The following ZNF609 variants were observed in gnomAD, a reference collection of about 807,000 sequenced individuals.
The protein encoded by ZNF609 is zinc finger protein 609.
ZNF609 carries 11 observed loss-of-function variants against 109.5 expected under a neutral mutation model. That is an observed-to-expected ratio of 0.10 (90% confidence interval 0.06 to 0.17). ZNF609 has a LOEUF of 0.17. Among genes scored for constraint, ZNF609 ranks in the 10% least tolerant of loss-of-function variants. ZNF609 has a pLI of 1.00. For missense variants in ZNF609, 1,559 were observed against 1,772.4 expected, an observed-to-expected ratio of 0.88 and a Z score of 2.16; for synonymous variants, 646 against 662.0, an observed-to-expected ratio of 0.98 and a Z score of 0.37.
chr15:64,573,260 C>G (rs555581245), intron 2 of ZNF609, among the ~76,000 whole-genome samples: 1 of 150,050 alleles, frequency 6.7e-6, no homozygotes, highest in African/African-American at 2.4e-5. Context: ...CTGACAAGTC[C>G]CATGGAATAC....
chr15:64,664,177 G>A (rs530546776), intron 3 of ZNF609, among the ~76,000 whole-genome samples: 3 of 152,152 alleles, frequency 2.0e-5, no homozygotes, highest in Admixed American at 1.3e-4. Context: ...GGAGTGAGCC[G>A]AGATTGCACC....
At chr15:64,641,152 G>A (rs1896247265) in intron 3 of ZNF609, among the ~76,000 whole-genome samples, 1 of 150,858 alleles carries the variant, frequency 6.6e-6, no homozygotes, top group African/African-American at 2.4e-5. Context: ...AAATTCTGTT[G>A]AGAGAAAATA....
At chr15:64,678,000 C>T in intron 5 of ZNF609, 116 bp from the exon 6 acceptor site, 1 of 1,387,286 alleles carries the variant, frequency 7.2e-7, no homozygotes, top group East Asian at 2.3e-5. Flanking sequence ...AAATCCTACT[C>T]TGCCCCAGGT....
intron 2 of ZNF609, among the ~76,000 whole-genome samples, chr15:64,524,359 T>G (rs1473736625): frequency 2.6e-5 from 4 of 152,044 alleles, no homozygotes; most frequent in African/African-American, 9.7e-5. Flanking sequence ...AGGTCAGGAG[T>G]TCGATACCAG....
At chr15:64,466,101 A>C (rs1486880294) in intron 1 of ZNF609, among the ~76,000 whole-genome samples, 2 of 128,970 alleles carry the variant, frequency 1.6e-5, no homozygotes, top group Admixed American at 9.8e-5. Flanking sequence ...GGTCAACAAG[A>C]ATGAAACCCT....
chr15:64,662,997 G>C (rs1896601380), intron 3 of ZNF609, among the ~76,000 whole-genome samples: 1 of 151,846 alleles, frequency 6.6e-6, no homozygotes, highest in South Asian at 2.1e-4. Flanking sequence ...TGTTTTTTTG[G>C]GAATAGGTGA....
intron 3 of ZNF609, chr15:64,631,093 A>G: frequency 2.2e-6 from 1 of 461,398 alleles, no homozygotes. Context: ...GAGGTCTTTT[A>G]TTTTTTTAAC....
At chr15:64,516,151 T>C (rs955866635) in intron 2 of ZNF609, among the ~76,000 whole-genome samples, 1 of 152,144 alleles carries the variant, frequency 6.6e-6, no homozygotes, top group African/African-American at 2.4e-5. Context: ...TTTTCAGATC[T>C]CTTATTGTTC....
intron 3 of ZNF609, among the ~76,000 whole-genome samples, chr15:64,663,521 G>T (rs928459637): frequency 2.0e-5 from 3 of 152,166 alleles, no homozygotes; most frequent in Admixed American, 6.5e-5. Context: ...TGTCAAGTTT[G>T]TGATTAGATA....
At chr15:64,625,932 TATATAGAG>T (rs1217573744) in intron 3 of ZNF609, among the ~76,000 whole-genome samples, 38 of 74,600 alleles carry the variant, frequency 5.1e-4, no homozygotes, top group Middle Eastern at 0.013. Flanking sequence ...TATATATATA[TATATAGAG>T]AGAGAGAGAG....
chr15:64,604,812 TTTAG>T (rs1318835615), intron 2 of ZNF609, among the ~76,000 whole-genome samples: 7 of 152,182 alleles, frequency 4.6e-5, no homozygotes, highest in African/African-American at 1.7e-4. Context: ...ATTTAATTTA[TTTAG>T]TTATTTATTC....
intron 2 of ZNF609, among the ~76,000 whole-genome samples, chr15:64,549,940 C>T (rs1385058060): frequency 6.6e-6 from 1 of 151,946 alleles, no homozygotes; most frequent in African/African-American, 2.4e-5. Context: ...TATCTGTCAC[C>T]ACGCCAAACT....
chr15:64,637,342 T>A (rs1052987560), intron 3 of ZNF609, among the ~76,000 whole-genome samples: 1 of 152,246 alleles, frequency 6.6e-6, no homozygotes, highest in Non-Finnish European at 1.5e-5. Flanking sequence ...AAAGTGCTGC[T>A]GTGAAAATTC....
chr15:64,482,718 CAT>C (rs777484439), intron 1 of ZNF609, among the ~76,000 whole-genome samples: 2 of 152,154 alleles, frequency 1.3e-5, no homozygotes, highest in African/African-American at 4.8e-5. Flanking sequence ...GGAAAAATCA[CAT>C]ATGACAGATC....
In ZNF609 at chr15:64,605,120, C is replaced by T. The variant is rs1472931296; in HGVS notation, c.748-17707C>T. Among the ~76,000 whole-genome samples, 3 of 152,140 alleles carry T rather than the reference C, an allele frequency of 2.0e-5. No individual in the cohort carries two copies. The East Asian group carries it at 5.8e-4, about 29-fold the overall frequency. On this transcript the variant is annotated intron_variant, in intron 2 of 9. Transcript: ENST00000326648. Reference sequence around the variant, plus strand: ...TGCTGGGATTACAGGCATAAGCCACCGTGCCCGGCCTAATTTGGCTTTATT... The same window carrying T: ...TGCTGGGATTACAGGCATAAGCCACTGTGCCCGGCCTAATTTGGCTTTATT...
At chr15:64,667,291 T>A (rs1401196228) in intron 3 of ZNF609, among the ~76,000 whole-genome samples, 2 of 152,194 alleles carry the variant, frequency 1.3e-5, no homozygotes, top group Non-Finnish European at 2.9e-5. Context: ...TGAATATAAG[T>A]GAGTTACTAG....
chr15:64,560,556 A>G (rs538964770), intron 2 of ZNF609, among the ~76,000 whole-genome samples: 3 of 152,282 alleles, frequency 2.0e-5, no homozygotes, highest in African/African-American at 7.2e-5. Context: ...CGCTCTTCCC[A>G]ACAAGATTGT....
At chr15:64,651,665 CAA>C (rs1896417606) in intron 3 of ZNF609, among the ~76,000 whole-genome samples, 1 of 152,152 alleles carries the variant, frequency 6.6e-6, no homozygotes, top group African/African-American at 2.4e-5. Context: ...TATCAGAGGG[CAA>C]ACACTGTGAC....
chr15:64,579,102 T>A (rs1195245197), intron 2 of ZNF609, among the ~76,000 whole-genome samples: 1 of 152,090 alleles, frequency 6.6e-6, no homozygotes, highest in Admixed American at 6.6e-5. Context: ...TACATTTTGC[T>A]ATTTTTTTAT....
Sources: allele counts gnomAD v4.1 joint callset (sites outside exome capture counted in the v4.1 genomes callset), GRCh38; gene constraint gnomAD v4.1.1; transcripts MANE v1.5; gene names NCBI Gene and HGNC (gene_info 2026-07-23, HGNC 2026-07-21).